ZNF385D: variants seen among roughly 807,000 people sequenced by gnomAD.
ZNF385D encodes the protein zinc finger protein 385D.
In ZNF385D, 15 loss-of-function variants were observed where a neutral mutation model predicts 35.8. The observed-to-expected ratio is 0.42, with a 90% confidence interval of 0.28 to 0.64. The LOEUF (loss-of-function observed/expected upper bound fraction) is 0.64, where lower values mean the gene tolerates loss of function less well. Ranked by LOEUF, ZNF385D falls within the 30% of genes least tolerant of loss-of-function variation. ZNF385D has a pLI of 0.23. For synonymous variants in ZNF385D, 212 were observed against 186.8 expected (o/e 1.13, Z -1.10); for missense variants, 474 against 494.6 (o/e 0.96, Z 0.39).
intron 3 of ZNF385D, among the ~76,000 whole-genome samples, chr3:21,909,780 G>T (rs961672227): frequency 6.6e-6 from 1 of 152,074 alleles, no homozygotes; most frequent in Middle Eastern, 3.4e-3. Context: ...AATTTAACGA[G>T]TTTCCGTTTT....
chr3:21,914,380 A>G (rs953307279), intron 3 of ZNF385D, among the ~76,000 whole-genome samples: 1 of 40,020 alleles, frequency 2.5e-5, no homozygotes, highest in East Asian at 1.0e-3. Flanking sequence ...CTTTTGTTTG[A>G]CTTTTTTTTT....
chr3:22,050,997 G>A lies in ZNF385D; in HGVS notation c.325+117820C>T, dbSNP rs1699317953. On this transcript the variant is annotated intron_variant, in intron 3 of 5. Transcript: ENST00000494108. ...CTGTTGATTTGGGGTGGAGAGTTCT[G>A]TAGATGTCTATTAGGTCTGCTTGGT... Among the ~76,000 whole-genome samples the A allele has an allele frequency of 6.6e-5, 3 of 45,656 alleles. 1 individual carries two copies. In the South Asian group the frequency reaches 4.2e-3, roughly 65 times the overall value. The allele number at this position is 45,656 out of a possible 152,430, so 30.0% of individuals were successfully genotyped here.
intron 3 of ZNF385D, among the ~76,000 whole-genome samples, chr3:22,042,484 C>T (rs116511979): frequency 3.2e-4 from 49 of 152,150 alleles, no homozygotes; most frequent in African/African-American, 1.2e-3. Flanking sequence ...GGTTGAGCAT[C>T]TTAAGGTATC....
chr3:21,974,103 G>A (rs557296444), intron 3 of ZNF385D, among the ~76,000 whole-genome samples: 1 of 151,958 alleles, frequency 6.6e-6, no homozygotes, highest in East Asian at 1.9e-4. Flanking sequence ...AAAAGTCCCA[G>A]AATAGACAAA....
intron 2 of ZNF385D, among the ~76,000 whole-genome samples, chr3:21,629,072 A>C (rs2065210635): frequency 6.6e-6 from 1 of 152,122 alleles, no homozygotes; most frequent in South Asian, 2.1e-4. Context: ...TGGTTGGCTA[A>C]AATGCAGAGG....
intron 1 of ZNF385D, among the ~76,000 whole-genome samples, chr3:21,728,407 A>C (rs1005291279): frequency 3.3e-5 from 5 of 152,174 alleles, no homozygotes; most frequent in Admixed American, 6.5e-5. Context: ...GTTTTACCAG[A>C]ACACAGAGAT....
At chr3:21,759,930 T>G (rs1159755248) in intron 3 of ZNF385D, among the ~76,000 whole-genome samples, 3 of 152,158 alleles carry the variant, frequency 2.0e-5, no homozygotes. Flanking sequence ...GCCCCAATGT[T>G]GCAAGAATTC....
chr3:22,195,435 G>T lies in ZNF385D; in HGVS notation c.107-26400C>A, dbSNP rs116006928. Among the ~76,000 whole-genome samples the T allele has an allele frequency of 4.8e-3, 735 of 151,902 alleles. 10 individuals carry two copies. Among genetic ancestry groups the T allele is most frequent in the African/African-American group, 0.017 (688 of 41,482 alleles). Reference sequence around the variant, plus strand: ...TTTTATTGGCAGGGCCACCCTGAAGGTCACTCATTAATTCTTTTCTTTAAT... The same window carrying T: ...TTTTATTGGCAGGGCCACCCTGAAGTTCACTCATTAATTCTTTTCTTTAAT... On this transcript the variant is annotated intron_variant, in intron 2 of 5. Transcript: ENST00000494108.
intron 3 of ZNF385D, among the ~76,000 whole-genome samples, chr3:21,536,805 T>C (rs373824489): frequency 6.6e-6 from 1 of 151,942 alleles, no homozygotes; most frequent in African/African-American, 2.4e-5. Flanking sequence ...TTAAATACAG[T>C]GGCCAGAGTA....
At chr3:21,844,722 C>G (rs1258714260) in intron 3 of ZNF385D, among the ~76,000 whole-genome samples, 1 of 151,936 alleles carries the variant, frequency 6.6e-6, no homozygotes, top group African/African-American at 2.4e-5. Context: ...TTACAATCAG[C>G]AAAATTGCAC....
chr3:22,022,619 G>A (rs981950682), intron 3 of ZNF385D, among the ~76,000 whole-genome samples: 10 of 152,050 alleles, frequency 6.6e-5, no homozygotes, highest in Admixed American at 2.0e-4. Context: ...AGCATATTCC[G>A]GATCCTACCA....
intron 3 of ZNF385D, among the ~76,000 whole-genome samples, chr3:21,929,909 C>T (rs1318606909): frequency 6.6e-6 from 1 of 152,012 alleles, no homozygotes; most frequent in Non-Finnish European, 1.5e-5. Context: ...CATCCTTTAT[C>T]AAAATCTCAG....
intron 3 of ZNF385D, among the ~76,000 whole-genome samples, chr3:22,090,903 A>C (rs2928350): frequency 0.13 from 19,624 of 152,148 alleles, 1,592 homozygotes; most frequent in Middle Eastern, 0.24. Context: ...GGGTCTTATG[A>C]CCCAAACTAA....
At chr3:22,034,761 A>C (rs1421869825) in intron 3 of ZNF385D, among the ~76,000 whole-genome samples, 1 of 152,150 alleles carries the variant, frequency 6.6e-6, no homozygotes, top group Non-Finnish European at 1.5e-5. Context: ...ATATTTAAAA[A>C]GTAAGTATCA....
intron 3 of ZNF385D, among the ~76,000 whole-genome samples, chr3:21,763,912 G>A (rs1559598666): frequency 6.6e-6 from 1 of 152,116 alleles, no homozygotes; most frequent in Non-Finnish European, 1.5e-5. Context: ...CATTTGTCAA[G>A]AACTGTGAGA....
upstream of ZNF385D, among the ~76,000 whole-genome samples, chr3:21,755,973 A>G (rs1201503274): frequency 1.3e-5 from 2 of 152,194 alleles, no homozygotes; most frequent in South Asian, 2.1e-4. Context: ...TTGACTTCAA[A>G]TAGGTAAGAT....
At chr3:22,022,471 C>A (rs1697285858) in intron 3 of ZNF385D, among the ~76,000 whole-genome samples, 1 of 152,060 alleles carries the variant, frequency 6.6e-6, no homozygotes, top group Non-Finnish European at 1.5e-5. Context: ...TGAACAGCAT[C>A]AAGAAATAAC....
At chr3:21,942,811 G>A (rs1299006866) in intron 3 of ZNF385D, 1 of 152,178 alleles carries the variant, frequency 6.6e-6, no homozygotes, top group Admixed American at 6.5e-5. Context: ...TCAGGTCATT[G>A]TTTAAGACAT....
intron 1 of ZNF385D, among the ~76,000 whole-genome samples, chr3:21,677,717 AAAT>A (rs943856853): frequency 2.0e-5 from 3 of 152,030 alleles, no homozygotes; most frequent in Admixed American, 1.3e-4. Context: ...ATAACCAGTA[AAAT>A]AATAATAATA....
Sources: gnomAD v4.1 joint callset for allele counts (sites outside exome capture counted in the v4.1 genomes callset) on GRCh38, gnomAD v4.1.1 for gene constraint, MANE v1.5 for transcripts, NCBI Gene and HGNC (gene_info 2026-07-23, HGNC 2026-07-21) for gene names.